The following PEPD variants were observed in gnomAD, a reference collection of about 807,000 sequenced individuals.
PEPD encodes xaa-Pro dipeptidase.
In PEPD, 53 loss-of-function variants were observed where a neutral mutation model predicts 60.7. The ratio of observed to expected loss-of-function variants is 0.87; its 90% CI spans 0.70 to 1.10. The LOEUF is 1.10. Ranked by LOEUF, PEPD falls within the 50% of genes least tolerant of loss-of-function variation. The pLI is 0.00. For missense variants in PEPD, 711 were observed against 711.9 expected, an observed-to-expected ratio of 1.00 and a Z score of 0.01; for synonymous variants, 267 against 284.1, an observed-to-expected ratio of 0.94 and a Z score of 0.60.
At chr19:33,436,177 AAG>A (rs1040016218) in intron 9 of PEPD, among the ~76,000 whole-genome samples, 15 of 151,572 alleles carry the variant, frequency 9.9e-5, no homozygotes, top group African/African-American at 3.6e-4. Flanking sequence ...GAGAGGGAGA[AAG>A]AGGAGGAAGA....
rs1160960868 is a variant in PEPD at position 33,388,097 on chromosome 19, G to A, written c.1153-16C>T. The A allele has an allele frequency of 7.8e-6, 12 of 1,543,682 alleles. No homozygotes were observed. In the South Asian group the frequency reaches 1.3e-4, roughly 17 times the overall value. On this transcript the variant is annotated splice_polypyrimidine_tract_variant and intron_variant, in intron 13 of 14. Coordinates refer to ENST00000244137, the MANE Select transcript of PEPD (RefSeq NM_000285.4). ...GCTCCACGCCCTGTGGGGAACAGAG[G>A]TGAGGGGCCTGATGAGCAGCTCCAG...
At chr19:33,397,231 G>A (rs1300946065) in intron 12 of PEPD, among the ~76,000 whole-genome samples, 1 of 152,206 alleles carries the variant, frequency 6.6e-6, no homozygotes, top group Non-Finnish European at 1.5e-5. Context: ...AGGATCAGGG[G>A]CCAAGGCCTG....
intron 11 of PEPD, among the ~76,000 whole-genome samples, chr19:33,404,457 A>AACAAC (rs1968572422): frequency 6.6e-6 from 1 of 151,250 alleles, no homozygotes; most frequent in East Asian, 1.9e-4. Flanking sequence ...ATCGTTTAAA[A>AACAAC]AACAACAACA....
At chr19:33,392,116 C>G (rs1968237207) in intron 12 of PEPD, among the ~76,000 whole-genome samples, 1 of 152,066 alleles carries the variant, frequency 6.6e-6, no homozygotes, top group Admixed American at 6.5e-5. Context: ...GGTTCGGGGC[C>G]CCGCCTGCCA....
chr19:33,460,652 T>A (rs187303281), intron 9 of PEPD, among the ~76,000 whole-genome samples: 112 of 152,174 alleles, frequency 7.4e-4, no homozygotes, highest in African/African-American at 2.6e-3. Context: ...GTGGGCACGG[T>A]TTCCCCTCCC....
In PEPD at chr19:33,463,047, G is replaced by A. The variant is rs1415588917; in HGVS notation, c.625-6C>T. 1.9e-6 allele frequency: 3 copies of A among 1,565,434 alleles called. No homozygotes were observed. The highest frequency in any genetic ancestry group is 1.1e-5 in the South Asian group (1 of 90,068). ...ACTTTTACAGCCTTCATTACCTGGA[G>A]GACGGATATTAAGCAAAGACATTTG... is the stretch of plus-strand genomic sequence containing the variant. On this transcript the variant is annotated splice_polypyrimidine_tract_variant and splice_region_variant and intron_variant, in intron 8 of 14. Coordinates refer to ENST00000244137, the MANE Select transcript of PEPD (RefSeq NM_000285.4).
chr19:33,451,353 G>T (rs1568478572), intron 9 of PEPD, among the ~76,000 whole-genome samples: 1 of 152,166 alleles, frequency 6.6e-6, no homozygotes, highest in African/African-American at 2.4e-5. Flanking sequence ...TTGTTAAATT[G>T]TTAAAATTAG....
At chr19:33,451,753 A>G (rs190621775) in intron 9 of PEPD, among the ~76,000 whole-genome samples, 203 of 152,368 alleles carry the variant, frequency 1.3e-3, no homozygotes, top group Admixed American at 3.9e-3. Flanking sequence ...TAGCAACACC[A>G]GTGTCAGGCA....
intron 11 of PEPD, 142 bp from the exon 12 acceptor site, chr19:33,402,011 G>C: frequency 1.3e-6 from 1 of 787,756 alleles, no homozygotes; most frequent in Admixed American, 2.0e-5. Context: ...ACCGGTGTGG[G>C]GAACTGCCAC....
chr19:33,397,763 T>G (rs8109191), intron 12 of PEPD, among the ~76,000 whole-genome samples: 101,466 of 151,874 alleles, frequency 0.67, 34,661 homozygotes, highest in African/African-American at 0.8. Context: ...GATTTGGCCT[T>G]GTGGCCCCAG....
rs777574445 is a variant in PEPD, at chr19:33,422,831, T to TATCTATCC, written c.672-9196_672-9189dup. Among the ~76,000 whole-genome samples the TATCTATCC allele has an allele frequency of 2.5e-5, 3 of 117,684 alleles. No homozygotes were observed. The Admixed American group carries it at 2.8e-4, about 11-fold the overall frequency. The allele number at this position is 117,684 out of a possible 152,430, so 77.2% of individuals were successfully genotyped here. The stretch of plus-strand genomic sequence containing the variant: ...ATCCATCCTTCTATATCTATCTATC[T>TATCTATCC]ATCTATCCATCTATCCATCCATCCA... On this transcript the variant is annotated intron_variant, in intron 9 of 14. Transcript: ENST00000244137.
chr19:33,497,246 C>T (rs1207951171), intron 4 of PEPD, among the ~76,000 whole-genome samples: 3 of 152,250 alleles, frequency 2.0e-5, no homozygotes, highest in African/African-American at 7.2e-5. Flanking sequence ...TGTGCTGCTG[C>T]GGTTGTCCTC....
chr19:33,388,370 C>T (rs1380325403), intron 13 of PEPD: 2 of 603,140 alleles, frequency 3.3e-6, no homozygotes, highest in South Asian at 3.6e-5. Flanking sequence ...GCTGCCCAGA[C>T]AGGCCTGTGG....
At chr19:33,413,041 A>T (rs1219892826) in intron 10 of PEPD, among the ~76,000 whole-genome samples, 1 of 152,252 alleles carries the variant, frequency 6.6e-6, no homozygotes, top group East Asian at 1.9e-4. Context: ...ACACCCACAC[A>T]GAGCCCTGCC....
chr19:33,432,501 G>A (rs1405640196), intron 9 of PEPD, among the ~76,000 whole-genome samples: 9 of 152,310 alleles, frequency 5.9e-5, no homozygotes, highest in Non-Finnish European at 1.5e-5. Flanking sequence ...ACAGGATGGG[G>A]CAGAACCCGC....
At chr19:33,457,913 C>A (rs544557892) in intron 9 of PEPD, among the ~76,000 whole-genome samples, 64 of 152,358 alleles carry the variant, frequency 4.2e-4, no homozygotes, top group Non-Finnish European at 7.6e-4. Flanking sequence ...GATTTTGCAA[C>A]CTGCTCCCAG....
intron 9 of PEPD, among the ~76,000 whole-genome samples, chr19:33,446,696 C>G (rs2145243715): frequency 6.6e-6 from 1 of 152,356 alleles, no homozygotes; most frequent in East Asian, 1.9e-4. Flanking sequence ...GCAGCATGCT[C>G]TCAGCCACGG....
intron 7 of PEPD, among the ~76,000 whole-genome samples, chr19:33,476,253 C>T (rs1235453701): frequency 2.0e-5 from 3 of 152,138 alleles, no homozygotes; most frequent in Admixed American, 1.3e-4. Flanking sequence ...GGCGTCGGAC[C>T]CACTGGCCTC....
intron 13 of PEPD, chr19:33,388,493 G>T (rs1968133603): frequency 3.0e-6 from 1 of 329,222 alleles, no homozygotes; most frequent in Non-Finnish European, 5.9e-6. Flanking sequence ...GAAGCCCCTT[G>T]GGGCCACAGC....
Sources: gnomAD v4.1 joint callset for allele counts (sites outside exome capture counted in the v4.1 genomes callset) on GRCh38, gnomAD v4.1.1 for gene constraint, MANE v1.5 for transcripts, NCBI Gene and HGNC (gene_info 2026-07-23, HGNC 2026-07-21) for gene names.